Variants in PARD3 observed in about 807,000 individuals in gnomAD.
PARD3 encodes par-3 family cell polarity regulator.
In PARD3, 75 loss-of-function variants were observed where a neutral mutation model predicts 155.4. The observed-to-expected ratio is 0.48, with a 90% CI of 0.40 to 0.58. The LOEUF is 0.58. PARD3 is among the 20% of genes least tolerant of loss of function. PARD3 has a pLI of 0.00. For synonymous variants in PARD3, 576 were observed against 610.5 expected, an observed-to-expected ratio of 0.94 and a Z score of 0.83; for missense variants, 1,642 against 1,721.7, an observed-to-expected ratio of 0.95 and a Z score of 0.82.
Position 34,705,084 on chromosome 10 carries a change from T to TA in PARD3, c.121-8666dup, listed in dbSNP as rs1049981044. 1.3e-3 allele frequency among the ~76,000 whole-genome samples: 191 copies of TA among 149,742 alleles called. 1 individual carries two copies. Among genetic ancestry groups the TA allele is most frequent in the African/African-American group, 1.9e-3 (79 of 40,928 alleles). On this transcript the variant is annotated intron_variant, in intron 1 of 24. Transcript: ENST00000374788. ...AGAATATATTCTGAAGTTCTGTTCT[T>TA]AAAAAAAAAATGAATCATTAGCACT...
rs140672158 is a variant in PARD3 at position 34,263,195 on chromosome 10, T to C, written c.3419+6462A>G. Among the ~76,000 whole-genome samples the C allele has an allele frequency of 2.3e-3, 358 of 152,354 alleles. 2 individuals carry two copies. The highest frequency in any genetic ancestry group is 0.018 in the South Asian group (88 of 4,832). On this transcript the variant is annotated intron_variant, in intron 22 of 24. Coordinates refer to ENST00000374788, the MANE Select transcript of PARD3 (RefSeq NM_001184785.2). ...TAAAAGCCCATTTCCTAAGTAACAGTTGCAACAGCAAACAAATAGTGCTTA... is the reference window on the plus strand; with the variant it reads ...TAAAAGCCCATTTCCTAAGTAACAGCTGCAACAGCAAACAAATAGTGCTTA...
intron 1 of PARD3, among the ~76,000 whole-genome samples, chr10:34,797,142 G>T (rs1001492997): frequency 6.6e-6 from 1 of 152,174 alleles, no homozygotes; most frequent in African/African-American, 2.4e-5. Context: ...TGTTCAGTGG[G>T]ACTGTTCCAA....
intron 2 of PARD3, among the ~76,000 whole-genome samples, chr10:34,586,915 CT>C (rs2088117382): frequency 6.6e-6 from 1 of 152,112 alleles, no homozygotes; most frequent in Non-Finnish European, 1.5e-5. Context: ...TGCCATTGCA[CT>C]CCAGCCTGGG....
chr10:34,573,553 T>C (rs2086606795), intron 2 of PARD3, among the ~76,000 whole-genome samples: 1 of 151,164 alleles, frequency 6.6e-6, no homozygotes, highest in Non-Finnish European at 1.5e-5. Flanking sequence ...AGACAAAAAA[T>C]AAAATTAACC....
Position 34,374,905 on chromosome 10 carries a change from C to A in PARD3, c.1637G>T (p.Arg546Leu). 5 of 1,613,922 alleles carry A rather than the reference C, an allele frequency of 3.1e-6. No individual in the cohort carries two copies. The highest frequency in any genetic ancestry group is 3.4e-6 in the Non-Finnish European group (4 of 1,179,872). The change falls in exon 11 of 25, where the codon CGC becomes CTC. Residue 546 changes from arginine to leucine, a missense_variant. Arg to Leu is a moderately radical substitution (Grantham distance 102). Coordinates refer to ENST00000374788, the MANE Select transcript of PARD3 (RefSeq NM_001184785.2). ...MEGTVSLLVF[R>L]QEDAFHPREL... ...CCTTGGGTGGAAGGCGTCTTCCTGGCGAAAGACCAGAAGGCTCACAGTTCC... is the reference window on the plus strand; with the variant it reads ...CCTTGGGTGGAAGGCGTCTTCCTGGAGAAAGACCAGAAGGCTCACAGTTCC...
At chr10:34,121,364 C>T (rs188442927) in intron 23 of PARD3, among the ~76,000 whole-genome samples, 1 of 152,350 alleles carries the variant, frequency 6.6e-6, no homozygotes, top group East Asian at 1.9e-4. Context: ...TGATCCTTTT[C>T]AGTACTCGCC....
Position 34,681,510 on chromosome 10 carries a change from A to G in PARD3, c.222+14808T>C, listed in dbSNP as rs538922502. Among the ~76,000 whole-genome samples, 8 of 151,682 alleles carry G rather than the reference A, an allele frequency of 5.3e-5. No individual in the cohort carries two copies. In the East Asian group the frequency reaches 1.6e-3, roughly 29 times the overall value. Reference sequence around the variant, plus strand: ...TACATATGGGACTTTTCTTGCTTTAAAAGTATGTGGAATGCAGCTACACTA... The same window carrying G: ...TACATATGGGACTTTTCTTGCTTTAGAAGTATGTGGAATGCAGCTACACTA... On this transcript the variant is annotated intron_variant, in intron 2 of 24. Transcript: ENST00000374788.
chr10:34,641,132 C>T (rs546608285), intron 2 of PARD3, among the ~76,000 whole-genome samples: 4 of 152,264 alleles, frequency 2.6e-5, no homozygotes, highest in Admixed American at 1.3e-4. Context: ...AGATGAAAGG[C>T]ACTTCCAGTT....
At chr10:34,562,822 T>C (rs963872454) in intron 2 of PARD3, among the ~76,000 whole-genome samples, 1 of 151,984 alleles carries the variant, frequency 6.6e-6, no homozygotes, top group Non-Finnish European at 1.5e-5. Flanking sequence ...GTACAGTGGC[T>C]CCATCACAGA....
intron 13 of PARD3, 87 bp downstream of exon 13, chr10:34,359,984 G>A: frequency 1.0e-6 from 1 of 983,216 alleles, no homozygotes; most frequent in South Asian, 1.6e-5. Context: ...GAAAACTTCT[G>A]TTAACTGTAT....
chr10:34,302,308 T>G (rs1282706905), intron 20 of PARD3, among the ~76,000 whole-genome samples: 2 of 152,212 alleles, frequency 1.3e-5, no homozygotes, highest in Non-Finnish European at 1.5e-5. Flanking sequence ...CAGCAGCAGC[T>G]AATACCCACA....
chr10:34,417,873 T>C (rs1845821925), intron 5 of PARD3, among the ~76,000 whole-genome samples: 3 of 152,168 alleles, frequency 2.0e-5, no homozygotes, highest in South Asian at 2.1e-4. Context: ...AAAAATAAAG[T>C]TCCTCTTTCA....
chr10:34,401,948 C>A (rs985356787), intron 5 of PARD3, 31 bp from the exon 6 acceptor site: 2 of 1,520,022 alleles, frequency 1.3e-6, no homozygotes, highest in African/African-American at 2.7e-5. Context: ...GAAAAGTACA[C>A]TCTGTGTTAG....
chr10:34,444,113 G>A (rs1021362047), intron 5 of PARD3, among the ~76,000 whole-genome samples: 4 of 152,208 alleles, frequency 2.6e-5, no homozygotes, highest in East Asian at 1.9e-4. Flanking sequence ...AAAGGTCAGG[G>A]CAGTCATTCC....
At chr10:34,502,519 CATG>C (rs2080784728) in intron 3 of PARD3, among the ~76,000 whole-genome samples, 3 of 152,178 alleles carry the variant, frequency 2.0e-5, no homozygotes, top group Admixed American at 1.3e-4. Flanking sequence ...TAAGCCCTAA[CATG>C]ATGATGATTT....
chr10:34,195,026 G>T (rs34808555), intron 22 of PARD3, among the ~76,000 whole-genome samples: 4,196 of 152,246 alleles, frequency 0.028, 88 homozygotes, highest in Non-Finnish European at 0.041. Context: ...ATATACCAAC[G>T]TAATTTCTCT....
chr10:34,145,376 T>G (rs912419055), intron 22 of PARD3, among the ~76,000 whole-genome samples: 1 of 151,382 alleles, frequency 6.6e-6, no homozygotes, highest in African/African-American at 2.4e-5. Flanking sequence ...TCTTGTGTTA[T>G]TTCTCTAATA....
chr10:34,210,718 C>A lies in PARD3; in HGVS notation c.3419+58939G>T, dbSNP rs1048239957. Among the ~76,000 whole-genome samples the A allele has an allele frequency of 5.8e-4, 89 of 152,262 alleles. 1 individual carries two copies. Among genetic ancestry groups the A allele is most frequent in the African/African-American group, 2.0e-3 (82 of 41,556 alleles). ...CACCACATCACTATCATCACAGCCA[C>A]AGCCTGGACTTGGTTCTCAGGAAAT... On this transcript the variant is annotated intron_variant, in intron 22 of 24. Transcript: ENST00000374788.
chr10:34,700,151 A>T (rs2094247897), intron 1 of PARD3, among the ~76,000 whole-genome samples: 1 of 152,218 alleles, frequency 6.6e-6, no homozygotes, highest in Non-Finnish European at 1.5e-5. Context: ...TCAAGCAGTG[A>T]ATGTCCTCAT....
Sources: allele counts gnomAD v4.1 joint callset (sites outside exome capture counted in the v4.1 genomes callset), GRCh38; gene constraint gnomAD v4.1.1; transcripts MANE v1.5; gene names NCBI Gene and HGNC (gene_info 2026-07-23, HGNC 2026-07-21).